The following SLC39A1 variants were observed in gnomAD, a reference collection of about 807,000 sequenced individuals.
The protein encoded by SLC39A1 is zinc transporter ZIP1.
A neutral mutation model predicts 21.4 loss-of-function variants in SLC39A1; 17 were observed. The ratio of observed to expected loss-of-function variants is 0.79; its 90% CI spans 0.54 to 1.19. The LOEUF is 1.19. Among genes scored for constraint, SLC39A1 ranks in the 50% most tolerant of loss-of-function variants. SLC39A1 has a pLI of 0.00. For synonymous variants in SLC39A1, 183 were observed against 185.9 expected, an observed-to-expected ratio of 0.98 and a Z score of 0.13; for missense variants, 343 against 399.8, an observed-to-expected ratio of 0.86 and a Z score of 1.21.
At chr1:153,962,838 C>A in intron 1 of SLC39A1, 91 bp from the exon 2 acceptor site, 1 of 1,027,206 alleles carries the variant, frequency 9.7e-7, no homozygotes, top group South Asian at 1.9e-5. Flanking sequence ...GTGCAGCTCC[C>A]TGGCCCCAGC....
rs139273934 is a variant in SLC39A1 at position 153,960,382 on chromosome 1, G to C, written c.691C>G (p.Gln231Glu). The C allele has an allele frequency of 1.1e-4, 181 of 1,613,814 alleles. No individual in the cohort carries two copies. Among genetic ancestry groups the C allele is most frequent in the Non-Finnish European group, 1.5e-4 (176 of 1,180,048 alleles). The change falls in exon 4 of 4, where the codon CAG becomes GAG. Residue 231 changes from glutamine (Q) to glutamate (E), a missense_variant. Transcript: ENST00000356205. ...LAVSLSLRLL[Q>E]SHLRAQVVAG... ...ACCACCTGTGCCCTAAGGTGGCTCTGCAACAGCCGCAGGGACAGGCTGACA... is the reference window on the plus strand; with the variant it reads ...ACCACCTGTGCCCTAAGGTGGCTCTCCAACAGCCGCAGGGACAGGCTGACA...
upstream of SLC39A1, chr1:153,963,780 G>C (rs936196489): frequency 6.6e-6 from 1 of 152,466 alleles, no homozygotes; most frequent in African/African-American, 2.4e-5. Flanking sequence ...CGCATCTGTG[G>C]AGGACTGAGG....
At chr1:153,965,114 T>C (rs1647706516), upstream of SLC39A1, 1 of 152,130 alleles carries the variant, frequency 6.6e-6, no homozygotes. Context: ...ATTTATGGTG[T>C]ACAACATGAT....
chr1:153,963,117 T>A, intron 1 of SLC39A1: 1 of 169,230 alleles, frequency 5.9e-6, no homozygotes, highest in African/African-American at 2.4e-5. Flanking sequence ...CCGAACGGAG[T>A]GGGTGAAGCC....
intron 1 of SLC39A1, 31 bp downstream of exon 1, chr1:153,963,464 T>G (rs1401460554): frequency 6.6e-6 from 1 of 152,274 alleles, no homozygotes; most frequent in African/African-American, 2.4e-5. Flanking sequence ...GCAGCCGACA[T>G]GGACCCCGCT....
At chr1:153,964,576 G>T (rs1378418036), upstream of SLC39A1, 1 of 152,118 alleles carries the variant, frequency 6.6e-6, no homozygotes, top group Non-Finnish European at 1.5e-5. Flanking sequence ...AAAAAAGGGG[G>T]GACAGTGTAA....
upstream of SLC39A1, among the ~76,000 whole-genome samples, chr1:153,966,224 G>T (rs61804849): frequency 6.6e-6 from 1 of 152,244 alleles, no homozygotes; most frequent in Non-Finnish European, 1.5e-5. Context: ...GGAGAGATAT[G>T]AGCGGGAAAG....
Position 153,962,739 on chromosome 1 carries a change from C to G in SLC39A1, c.-24G>C. The stretch of plus-strand genomic sequence containing the variant: ...ATGATGCTTCTGGTAGCTCCAGTGA[C>G]TCTCAGACCTAGGAAGACAGACCAG... On this transcript the variant is annotated 5_prime_UTR_variant, in exon 2 of 4. Coordinates refer to ENST00000356205, the MANE Select transcript of SLC39A1 (RefSeq NM_001271958.2). 6.5e-7 allele frequency: 1 copy of G among 1,536,132 alleles called. No homozygotes were observed. Among genetic ancestry groups the G allele is most frequent in the South Asian group, 1.2e-5 (1 of 81,254 alleles).
rs1647347993 is a variant in SLC39A1 at position 153,960,599 on chromosome 1, A to G, written c.474T>C (p.His158=). 3.7e-6 allele frequency: 6 copies of G among 1,614,202 alleles called. No homozygotes were observed. Among genetic ancestry groups the G allele is most frequent in the South Asian group, 2.2e-5 (2 of 91,084 alleles). The change falls in exon 4 of 4, where the codon CAT becomes CAC. Residue 158 remains histidine (H), a synonymous_variant. Coordinates refer to ENST00000356205, the MANE Select transcript of SLC39A1 (RefSeq NM_001271958.2). Reference sequence around the variant, plus strand: ...GTGGGACCCCTGGCCCATCATGCCAATGCTGCGGCCCACCATTCACTGTTC... The same window carrying G: ...GTGGGACCCCTGGCCCATCATGCCAGTGCTGCGGCCCACCATTCACTGTTC... ...LLGTVNGGPQ[H]WHDGPGVPQA...
chr1:153,962,860 C>T, intron 1 of SLC39A1, 113 bp from the exon 2 acceptor site: 2 of 741,796 alleles, frequency 2.7e-6, no homozygotes, highest in Non-Finnish European at 4.2e-6. Context: ...ACTTTGTGAC[C>T]TTCCCCTACC....
chr1:153,960,006 C>T lies in SLC39A1; in HGVS notation c.*92G>A, dbSNP rs1647270954. 6.8e-7 allele frequency: 1 copy of T among 1,465,510 alleles called. No individual in the cohort carries two copies. Among genetic ancestry groups the T allele is most frequent in the Admixed American group, 2.2e-5 (1 of 44,994 alleles). 90.8% of individuals were successfully genotyped at this position (1,465,510 alleles called of 1,614,324 possible). ...CTTTTTGGTCCTCAGTATTTCCCTTCCCCTTTCCTTCCTATTCCCCACAAC... is the reference window on the plus strand; with the variant it reads ...CTTTTTGGTCCTCAGTATTTCCCTTTCCCTTTCCTTCCTATTCCCCACAAC... On this transcript the variant is annotated 3_prime_UTR_variant, in exon 4 of 4. Coordinates refer to ENST00000356205, the MANE Select transcript of SLC39A1 (RefSeq NM_001271958.2).
chr1:153,961,678 A>C (rs1647447960), intron 3 of SLC39A1, among the ~76,000 whole-genome samples: 1 of 152,222 alleles, frequency 6.6e-6, no homozygotes, highest in African/African-American at 2.4e-5. Context: ...TTACTTCCTC[A>C]GTTTTAGAGG....
At chr1:153,961,797 C>G (rs1349450017) in intron 3 of SLC39A1, among the ~76,000 whole-genome samples, 2 of 152,162 alleles carry the variant, frequency 1.3e-5, no homozygotes, top group Non-Finnish European at 2.9e-5. Context: ...TCCTCACAGC[C>G]CACTTCCTTG....
chr1:153,963,464 T>C (rs1401460554), intron 1 of SLC39A1, 31 bp downstream of exon 1: 1 of 152,274 alleles, frequency 6.6e-6, no homozygotes, highest in Non-Finnish European at 1.5e-5. Context: ...GCAGCCGACA[T>C]GGACCCCGCT....
At position 153,962,511 on chromosome 1, in the gene SLC39A1, G is replaced by A. The variant is rs1425796857; in HGVS notation, c.187+18C>T. On this transcript the variant is annotated intron_variant, in intron 2 of 3. Coordinates refer to ENST00000356205, the MANE Select transcript of SLC39A1 (RefSeq NM_001271958.2). ...AAGCCAAGCATTCATAGCAGTGTGG[G>A]GAAAAGGAGAGGCTTACCTGAGCCT... 6.2e-7 allele frequency: 1 copy of A among 1,605,794 alleles called. No homozygotes were observed. The highest frequency in any genetic ancestry group is 8.5e-7 in the Non-Finnish European group (1 of 1,175,320).
At chr1:153,960,990 T>C (rs1647383983) in intron 3 of SLC39A1, among the ~76,000 whole-genome samples, 1 of 152,276 alleles carries the variant, frequency 6.6e-6, no homozygotes, top group South Asian at 2.1e-4. Context: ...TATTAACATT[T>C]TGGGGCCAGG....
chr1:153,962,192 C>A (rs1362922319), intron 3 of SLC39A1, 28 bp downstream of exon 3: 2 of 1,607,376 alleles, frequency 1.2e-6, no homozygotes, highest in African/African-American at 1.3e-5. Flanking sequence ...TCCCCTCCCG[C>A]AAGTCACATG....
In SLC39A1 at chr1:153,959,403, C is replaced by T; in HGVS notation, c.*695G>A. ...TACCCCAGCCCAGAAAATATTTCTG[C>T]CCCACCCCAGGATCCGGGACCAAAA... On this transcript the variant is annotated 3_prime_UTR_variant, in exon 4 of 4. Transcript: ENST00000356205. 2.5e-6 allele frequency: 1 copy of T among 397,596 alleles called. No individual in the cohort carries two copies. The allele number at this position is 397,596 out of a possible 1,614,324, so 24.6% of individuals were successfully genotyped here.
chr1:153,959,406 C>T lies in SLC39A1; in HGVS notation c.*692G>A. The T allele has an allele frequency of 2.5e-6, 1 of 397,628 alleles. No homozygotes were observed. The highest frequency in any genetic ancestry group is 1.4e-4 in the South Asian group (1 of 7,076). The allele number at this position is 397,628 out of a possible 1,614,324, so 24.6% of individuals were successfully genotyped here. A position where few individuals can be genotyped will look rare whatever the true frequency, so the allele number is the denominator to read the frequency against. ...CCCAGCCCAGAAAATATTTCTGCCCCACCCCAGGATCCGGGACCAAAATAA... is the reference window on the plus strand; with the variant it reads ...CCCAGCCCAGAAAATATTTCTGCCCTACCCCAGGATCCGGGACCAAAATAA... On this transcript the variant is annotated 3_prime_UTR_variant, in exon 4 of 4. Coordinates refer to ENST00000356205, the MANE Select transcript of SLC39A1 (RefSeq NM_001271958.2).
Sources: allele counts gnomAD v4.1 joint callset (sites outside exome capture counted in the v4.1 genomes callset), GRCh38; gene constraint gnomAD v4.1.1; transcripts MANE v1.5; gene names NCBI Gene and HGNC (gene_info 2026-07-23, HGNC 2026-07-21).